PCDH19: variants seen among roughly 807,000 people sequenced by gnomAD.
The protein encoded by PCDH19 is protocadherin-19.
In PCDH19, 6 loss-of-function variants were observed where a neutral mutation model predicts 46.2. That is an observed-to-expected ratio of 0.13 (90% CI 0.07 to 0.26). The LOEUF is 0.26. Ranked by LOEUF, PCDH19 falls within the 10% of genes least tolerant of loss-of-function variation. The pLI, the probability that PCDH19 is intolerant of heterozygous loss-of-function variation, is 1.00. For missense variants in PCDH19, 740 were observed against 972.3 expected (o/e 0.76, Z 3.18); for synonymous variants, 481 against 415.7 (o/e 1.16, Z -1.91).
chrX:100,347,857 G>T (rs950326377), intron 4 of PCDH19, among the ~76,000 whole-genome samples: 3 of 108,452 alleles, frequency 2.8e-5, no homozygotes, highest in African/African-American at 1.0e-4. Context: ...GAGGTCAGGA[G>T]TTCAAGACCA....
intron 5 of PCDH19, among the ~76,000 whole-genome samples, chrX:100,309,309 G>A (rs1159838515): frequency 6.3e-5 from 7 of 111,393 alleles, no homozygotes; most frequent in African/African-American, 2.3e-4. Flanking sequence ...ATGTGTTCTC[G>A]CTAATAAGTG....
In PCDH19 at chrX:100,402,691, G is replaced by A; in HGVS notation, c.2449C>T (p.His817Tyr). ...LTSSLNYFDYHQQTLPLGCRR... is the reference protein window; with the variant it reads ...LTSSLNYFDYYQQTLPLGCRR... ...CAGCCCAGGGGCAGCGTCTGCTGGTGGTAGTCAAAATAGTTGAGGGAGGAG... is the reference window on the plus strand; with the variant it reads ...CAGCCCAGGGGCAGCGTCTGCTGGTAGTAGTCAAAATAGTTGAGGGAGGAG... The change falls in exon 3 of 6, where the codon CAC (histidine) becomes TAC (tyrosine). Residue 817 changes from histidine to tyrosine, a missense_variant. Physicochemically the swap from His to Tyr is moderately conservative, Grantham distance 83 (BLOSUM62 2). Transcript: ENST00000373034. 1.7e-6 allele frequency: 2 copies of A among 1,211,797 alleles called. No homozygotes were observed. Among genetic ancestry groups the A allele is most frequent in the Non-Finnish European group, 2.2e-6 (2 of 895,441 alleles).
rs1339944196 is a variant in PCDH19 at position 100,407,946 on chromosome X, G to C, written c.652C>G (p.Arg218Gly). 8.3e-7 allele frequency: 1 copy of C among 1,209,192 alleles called. No individual in the cohort carries two copies. The highest frequency in any genetic ancestry group is 1.1e-6 in the Non-Finnish European group (1 of 895,509). The part of the protein sequence containing the change: ...ITALDGGDPP[R>G]LGTVGLSIKV... The stretch of plus-strand genomic sequence containing the variant: ...ATACTAAGGCCAACGGTGCCCAGGC[G>C]CGGCGGGTCGCCACCGTCTAGCGCA... Residue 218 changes from arginine to glycine, a missense_variant, in exon 1 of 6, where the codon CGC becomes GGC. By Grantham distance (125) the Arg-to-Gly change is moderately radical (BLOSUM62 -2). Around this residue, in one of 5 missense-constraint regions of PCDH19, gnomAD observed 186 missense variants for 319.9 expected, o/e 0.58. Coordinates refer to ENST00000373034, the MANE Select transcript of PCDH19 (RefSeq NM_001184880.2).
intron 5 of PCDH19, among the ~76,000 whole-genome samples, chrX:100,308,178 T>C (rs1192120440): frequency 9.0e-6 from 1 of 111,459 alleles, no homozygotes; most frequent in East Asian, 2.8e-4. Context: ...AGCATGATAC[T>C]GGTATAAAAA....
intron 5 of PCDH19, among the ~76,000 whole-genome samples, chrX:100,333,179 G>A (rs867196348): frequency 1.7e-3 from 82 of 46,893 alleles, no homozygotes; most frequent in East Asian, 5.0e-3. Flanking sequence ...GGAAGGGAGA[G>A]AGAGAGAAAG....
Position 100,341,973 on chromosome X carries a change from A to G in PCDH19, c.2778T>C (p.Tyr926=), listed in dbSNP as rs754134204. The change falls in exon 5 of 6, where the codon TAT becomes TAC. Residue 926 remains tyrosine (Y), a synonymous_variant. Coordinates refer to ENST00000373034, the MANE Select transcript of PCDH19 (RefSeq NM_001184880.2). The part of the protein sequence containing the change: ...DSEHDVQRSL[Y]CDTAVNDVLN... ...GCACATCGTTGACAGCAGTATCACA[A>G]TACAGGCTCCGCTGGACATCATGCT... The G allele has an allele frequency of 8.3e-7, 1 of 1,209,441 alleles. No individual in the cohort carries two copies. Among genetic ancestry groups the G allele is most frequent in the East Asian group, 3.0e-5 (1 of 33,825 alleles).
At chrX:100,372,273 G>A in intron 3 of PCDH19, among the ~76,000 whole-genome samples, 1 of 111,739 alleles carries the variant, frequency 8.9e-6, no homozygotes, top group Middle Eastern at 4.6e-3. Flanking sequence ...CTGTGTGTCA[G>A]TTTTCAGCTT....
intron 5 of PCDH19, among the ~76,000 whole-genome samples, chrX:100,333,183 G>A (rs74822761): frequency 0.028 from 1,186 of 42,887 alleles, 38 homozygotes; most frequent in East Asian, 0.06. Context: ...GGGAGAGAGA[G>A]AGAAAGAAAG....
At chrX:100,325,369 CTTTTT>C (rs72174481) in intron 5 of PCDH19, among the ~76,000 whole-genome samples, 1 of 81,411 alleles carries the variant, frequency 1.2e-5, no homozygotes. Flanking sequence ...CTATAATGAT[CTTTTT>C]TTTTTTTTTT....
intron 3 of PCDH19, among the ~76,000 whole-genome samples, chrX:100,354,504 G>T (rs186402637): frequency 9.0e-6 from 1 of 111,417 alleles, no homozygotes; most frequent in African/African-American, 3.3e-5. Context: ...GTACCTCCGG[G>T]GTGGCAAGTA....
intron 3 of PCDH19, among the ~76,000 whole-genome samples, chrX:100,367,325 A>C (rs1927093952): frequency 8.9e-6 from 1 of 112,337 alleles, no homozygotes; most frequent in Non-Finnish European, 1.9e-5. Context: ...GGGACAGTTA[A>C]ATGGAGAGAC....
chrX:100,394,526 C>A (rs994588062), intron 3 of PCDH19, among the ~76,000 whole-genome samples: 1 of 111,428 alleles, frequency 9.0e-6, no homozygotes, highest in African/African-American at 3.3e-5. Flanking sequence ...TCTTCAGGAA[C>A]GAGCTCTACA....
intron 3 of PCDH19, among the ~76,000 whole-genome samples, chrX:100,363,727 AT>A (rs1368807840): frequency 6.0e-5 from 6 of 99,669 alleles, no homozygotes; most frequent in Admixed American, 1.2e-4. Context: ...TAATATATTT[AT>A]TTTATATATA....
At chrX:100,371,022 TGTGG>T (rs749054469) in intron 3 of PCDH19, among the ~76,000 whole-genome samples, 10 of 102,654 alleles carry the variant, frequency 9.7e-5, no homozygotes, top group African/African-American at 2.4e-4. Context: ...TGTGTGTGTG[TGTGG>T]GTGTGTGTGT....
rs1924451181 is a variant in PCDH19 at position 100,292,295 on chromosome X, C to G, written c.*3982G>C. ...TAACAAGGTCATCTTGAATTGCCAA[C>G]ACAGCTGGAGCAACAGTCAGCATCA... On this transcript the variant is annotated 3_prime_UTR_variant, in exon 6 of 6. Coordinates refer to ENST00000373034, the MANE Select transcript of PCDH19 (RefSeq NM_001184880.2). 1 of 112,860 alleles carries G rather than the reference C, an allele frequency of 8.9e-6. No homozygotes were observed. The highest frequency in any genetic ancestry group is 3.2e-5 in the African/African-American group (1 of 31,014). The allele number at this position is 112,860 out of a possible 1,213,427, so 9.3% of individuals were successfully genotyped here. A position where few individuals can be genotyped will look rare whatever the true frequency, so the allele number is the denominator to read the frequency against.
chrX:100,295,992 C>T lies in PCDH19; in HGVS notation c.*285G>A, dbSNP rs1602566236. On this transcript the variant is annotated 3_prime_UTR_variant, in exon 6 of 6. Transcript: ENST00000373034. ...ACATAGAAAAATATATAAATTCAAA[C>T]ACTTAATACATAATACTTTTCACAA... The T allele has an allele frequency of 9.4e-6, 3 of 319,147 alleles. No homozygotes were observed. The highest frequency in any genetic ancestry group is 4.8e-5 in the East Asian group (1 of 20,754). The allele number at this position is 319,147 out of a possible 1,213,427, so 26.3% of individuals were successfully genotyped here.
chrX:100,376,235 CAAAAAAAAAA>C (rs1171817638), intron 3 of PCDH19, among the ~76,000 whole-genome samples: 9 of 32,908 alleles, frequency 2.7e-4, no homozygotes, highest in Non-Finnish European at 4.5e-4. Flanking sequence ...AACTCCGTCT[CAAAAAAAAAA>C]AAAAAAAAAG....
chrX:100,327,851 T>C (rs1009414261), intron 5 of PCDH19, among the ~76,000 whole-genome samples: 3 of 111,738 alleles, frequency 2.7e-5, no homozygotes, highest in African/African-American at 9.8e-5. Context: ...GGATAAATGA[T>C]ATATTATAAC....
intron 5 of PCDH19, among the ~76,000 whole-genome samples, chrX:100,322,865 A>ATATATATATATATTTTTTTTTTT: frequency 2.2e-4 from 12 of 54,404 alleles, no homozygotes; most frequent in East Asian, 9.1e-4. Flanking sequence ...ATATATATAT[A>ATATATATATATATTTTTTTTTTT]TTTTTGCAGC....
Sources: allele counts gnomAD v4.1 joint callset (sites outside exome capture counted in the v4.1 genomes callset), GRCh38; gene constraint gnomAD v4.1.1; regional missense constraint gnomAD v4.1.1; transcripts MANE v1.5; gene names NCBI Gene and HGNC (gene_info 2026-07-23, HGNC 2026-07-21).